Variants in TMPRSS11F observed in about 807,000 individuals in gnomAD.
The protein encoded by TMPRSS11F is transmembrane protease serine 11F.
A neutral mutation model predicts 60.2 loss-of-function variants in TMPRSS11F; 47 were observed. The observed-to-expected ratio is 0.78, with a 90% CI of 0.62 to 1.00. The LOEUF is 1.00. TMPRSS11F is among the 50% of genes least tolerant of loss of function. TMPRSS11F has a pLI of 0.00. For synonymous variants in TMPRSS11F, 166 were observed against 167.3 expected, an observed-to-expected ratio of 0.99 and a Z score of 0.06; for missense variants, 519 against 522.9, an observed-to-expected ratio of 0.99 and a Z score of 0.07.
At chr4:68,071,521 T>C (rs976050485) in intron 5 of TMPRSS11F, among the ~76,000 whole-genome samples, 3 of 152,190 alleles carry the variant, frequency 2.0e-5, no homozygotes, top group Admixed American at 6.5e-5. Context: ...ATGTGACATG[T>C]ATGCTAGTGT....
intron 8 of TMPRSS11F, chr4:68,062,515 T>C (rs1203111881): frequency 1.4e-6 from 1 of 730,886 alleles, no homozygotes; most frequent in Admixed American, 1.8e-5. Context: ...TATGCTGCAT[T>C]GGATGGTAAC....
At chr4:68,080,466 A>G (rs534050681) in intron 3 of TMPRSS11F, 2 of 152,362 alleles carry the variant, frequency 1.3e-5, no homozygotes, top group East Asian at 1.9e-4. Flanking sequence ...AACAGTTCAC[A>G]CCTGCACTTC....
At position 68,114,990 on chromosome 4, in the gene TMPRSS11F, TAAA is replaced by T. The variant is rs56946635; in HGVS notation, c.11+14817_11+14819del. Reference sequence around the variant, plus strand: ...AAAAACTTAACCTTAATTCATTATTTAAAAAAAAAAAAAAAAAAAAAAGAAGAA... The same window carrying T: ...AAAAACTTAACCTTAATTCATTATTTAAAAAAAAAAAAAAAAAAAGAAGAA... On this transcript the variant is annotated intron_variant, in intron 1 of 9. Coordinates refer to ENST00000356291, the MANE Select transcript of TMPRSS11F (RefSeq NM_207407.2). 6.9e-3 allele frequency among the ~76,000 whole-genome samples: 785 copies of T among 114,372 alleles called. 10 individuals are homozygous for T. The highest frequency in any genetic ancestry group is 0.019 in the African/African-American group (562 of 29,404). 75.0% of individuals were successfully genotyped at this position (114,372 alleles called of 152,430 possible). A position where few individuals can be genotyped will look rare whatever the true frequency, so the allele number is the denominator to read the frequency against.
At chr4:68,060,401 A>T (rs1319993368) in intron 8 of TMPRSS11F, among the ~76,000 whole-genome samples, 1 of 148,670 alleles carries the variant, frequency 6.7e-6, no homozygotes, top group Non-Finnish European at 1.5e-5. Flanking sequence ...CTGTAGTCTC[A>T]GCTACTCAGG....
intron 3 of TMPRSS11F, among the ~76,000 whole-genome samples, chr4:68,084,359 T>C (rs1723764431): frequency 6.6e-6 from 1 of 152,092 alleles, no homozygotes; most frequent in Non-Finnish European, 1.5e-5. Context: ...CCTCAAGGCA[T>C]ACAGTCGTCA....
chr4:68,056,047 AAAAGCCATATATTGGCTTTTATTATT>A (rs1295281014), intron 9 of TMPRSS11F, among the ~76,000 whole-genome samples: 1 of 152,320 alleles, frequency 6.6e-6, no homozygotes, highest in East Asian at 1.9e-4. Context: ...CAAACACAAT[AAAAGCCATATATTGGCTTTTATTATT>A]AAAGCCATAG....
At chr4:68,114,049 C>T (rs1724464176) in intron 1 of TMPRSS11F, among the ~76,000 whole-genome samples, 1 of 151,288 alleles carries the variant, frequency 6.6e-6, no homozygotes, top group Admixed American at 6.6e-5. Context: ...AAAAGAAGTA[C>T]AAAAAAACTT....
chr4:68,118,910 T>C (rs1172226505), intron 1 of TMPRSS11F, among the ~76,000 whole-genome samples: 1 of 152,112 alleles, frequency 6.6e-6, no homozygotes, highest in African/African-American at 2.4e-5. Flanking sequence ...ACATTTTAAA[T>C]CAAAAGCTAG....
At chr4:68,060,515 C>CAAAAAAAAAAAAAAAAAAA (rs71218926) in intron 8 of TMPRSS11F, among the ~76,000 whole-genome samples, 1 of 29,638 alleles carries the variant, frequency 3.4e-5, no homozygotes, top group African/African-American at 1.6e-4. Context: ...GACTCCAACT[C>CAAAAAAAAAAAAAAAAAAA]AAAAAAAAAA....
chr4:68,125,340 A>G (rs1250686487), intron 1 of TMPRSS11F, among the ~76,000 whole-genome samples: 1 of 152,154 alleles, frequency 6.6e-6, no homozygotes, highest in Non-Finnish European at 1.5e-5. Context: ...AATCATTTAT[A>G]AAATTTTCTA....
At chr4:68,098,760 A>T (rs1255898665) in intron 2 of TMPRSS11F, 127 bp downstream of exon 2, 1 of 864,246 alleles carries the variant, frequency 1.2e-6, no homozygotes, top group South Asian at 2.1e-5. Flanking sequence ...ACTATAATTT[A>T]ACATCAGTAA....
intron 4 of TMPRSS11F, 36 bp downstream of exon 4, chr4:68,073,905 CA>C (rs1256463173): frequency 4.6e-6 from 6 of 1,299,234 alleles, no homozygotes; most frequent in Admixed American, 2.2e-5. Flanking sequence ...CTCATCTTAA[CA>C]GTATTAACTT....
Position 68,124,711 on chromosome 4 carries a change from T to C in TMPRSS11F, c.11+5099A>G, listed in dbSNP as rs569404088. 5.3e-5 allele frequency among the ~76,000 whole-genome samples: 8 copies of C among 152,286 alleles called. No individual in the cohort carries two copies. The South Asian group carries it at 1.7e-3, about 32-fold the overall frequency. On this transcript the variant is annotated intron_variant, in intron 1 of 9. Transcript: ENST00000356291. The stretch of plus-strand genomic sequence containing the variant: ...TCAGTGGGCATAAGAGTAGTAGATA[T>C]AAGAGTTAAGGCTGTTGTTTGGCAC...
At position 68,058,397 on chromosome 4, in the gene TMPRSS11F, T is replaced by C. The variant is rs554664012; in HGVS notation, c.1158+929A>G. Among the ~76,000 whole-genome samples the C allele has an allele frequency of 3.9e-5, 6 of 152,230 alleles. No individual in the cohort carries two copies. The South Asian group carries it at 1.2e-3, about 32-fold the overall frequency. ...GACAGTGAAATCTAAGCTGGAAAAG[T>C]AGAAGCTGGAAGAAAGGAAATGATT... On this transcript the variant is annotated intron_variant, in intron 9 of 9. Coordinates refer to ENST00000356291, the MANE Select transcript of TMPRSS11F (RefSeq NM_207407.2).
chr4:68,064,641 TC>T, intron 8 of TMPRSS11F, 43 bp downstream of exon 8: 1 of 1,593,350 alleles, frequency 6.3e-7, no homozygotes, highest in Non-Finnish European at 8.5e-7. Flanking sequence ...TCGTTTGATC[TC>T]AAGACATTCT....
intron 4 of TMPRSS11F, among the ~76,000 whole-genome samples, chr4:68,072,946 T>A (rs914704846): frequency 6.6e-6 from 1 of 152,200 alleles, no homozygotes; most frequent in African/African-American, 2.4e-5. Context: ...AGAGGTAGAT[T>A]CCATTTCCTG....
chr4:68,121,875 C>T (rs952193640), intron 1 of TMPRSS11F, among the ~76,000 whole-genome samples: 6 of 152,142 alleles, frequency 3.9e-5, no homozygotes, highest in Non-Finnish European at 5.9e-5. Flanking sequence ...AAGAGTTAAT[C>T]GGTATGTTAC....
At chr4:68,074,164 A>C (rs563881342) in intron 3 of TMPRSS11F, among the ~76,000 whole-genome samples, 155 bp from the exon 4 acceptor site, 18 of 152,250 alleles carry the variant, frequency 1.2e-4, no homozygotes, top group Non-Finnish European at 2.5e-4. Context: ...TTTTCAGCTT[A>C]TTCCCAGTCA....
chr4:68,059,544 A>G, intron 8 of TMPRSS11F, 76 bp from the exon 9 acceptor site: 4 of 1,418,666 alleles, frequency 2.8e-6, no homozygotes, highest in Non-Finnish European at 3.8e-6. Flanking sequence ...TAGAAGACAC[A>G]TAAATTGTAG....
Sources: gnomAD v4.1 joint callset for allele counts (sites outside exome capture counted in the v4.1 genomes callset) on GRCh38, gnomAD v4.1.1 for gene constraint, MANE v1.5 for transcripts, NCBI Gene and HGNC (gene_info 2026-07-23, HGNC 2026-07-21) for gene names.